KARS1: variants seen among roughly 807,000 people sequenced by gnomAD.
KARS1 encodes lysine--tRNA ligase.
Under a neutral mutation model 63.9 loss-of-function variants are expected in KARS1, and 50 were observed. The ratio of observed to expected loss-of-function variants is 0.78; its 90% CI spans 0.62 to 0.99. KARS1 has a LOEUF of 0.99. Among genes scored for constraint, KARS1 ranks in the 50% least tolerant of loss-of-function variants. The pLI, the probability that KARS1 is intolerant of heterozygous loss-of-function variation, is 0.00. For missense variants in KARS1, 816 were observed against 754.5 expected (o/e 1.08, Z -0.95); for synonymous variants, 320 against 264.6 (o/e 1.21, Z -2.03).
At chr16:75,647,550 G>A in intron 1 of KARS1, 28 bp downstream of exon 1, 2 of 1,607,820 alleles carry the variant, frequency 1.2e-6, no homozygotes, top group South Asian at 1.1e-5. Flanking sequence ...CTACCGCAAA[G>A]GCTTTAAAGA....
In KARS1 at chr16:75,640,311, C is replaced by A; in HGVS notation, c.261G>T (p.Leu87=). The A allele has an allele frequency of 1.9e-6, 3 of 1,609,642 alleles. No individual in the cohort carries two copies. The highest frequency in any genetic ancestry group is 2.5e-6 in the Non-Finnish European group (3 of 1,178,282). Reference sequence around the variant, plus strand: ...GGTATGGGTCTTCCCCATTGACCTTCAGCTGATGAATTGCTTGACTGCGGA... The same window carrying A: ...GGTATGGGTCTTCCCCATTGACCTTAAGCTGATGAATTGCTTGACTGCGGA... ...YKIRSQAIHQ[L]KVNGEDPYPH... is the part of the protein sequence containing the mutation. Residue 87 remains leucine (L), a synonymous_variant, in exon 3 of 14, where the codon CTG becomes CTT. Transcript: ENST00000302445.
At chr16:75,628,404 G>A (rs2082074608) in intron 13 of KARS1, among the ~76,000 whole-genome samples, 165 bp downstream of exon 13, 1 of 152,186 alleles carries the variant, frequency 6.6e-6, no homozygotes, top group Admixed American at 6.5e-5. Flanking sequence ...AATCCTTTAA[G>A]GTCAGAGGCT....
Position 75,632,610 on chromosome 16 carries a change from C to T in KARS1, c.916-755G>A, listed in dbSNP as rs139894240. On this transcript the variant is annotated intron_variant, in intron 7 of 13. Coordinates refer to ENST00000302445, the MANE Select transcript of KARS1 (RefSeq NM_005548.3). ...AGGTCCTAGCGGCAATGACTTGTGC[C>T]TAGTGCCAGGATTATGAGCTGTAGT... 3.2e-4 allele frequency among the ~76,000 whole-genome samples: 49 copies of T among 152,300 alleles called. No individual in the cohort carries two copies. In the East Asian group the frequency reaches 7.9e-3, roughly 25 times the overall value.
rs765014185 is a variant in KARS1, at chr16:75,628,587, C to T, written c.1677G>A (p.Thr559=). ...TACGTACCTTGATGTTGTTGGAGTC[C>T]GTGAGAAACATGGCGACTCGATCAA... The part of the protein sequence containing the change: ...MGIDRVAMFL[T]DSNNIKEVLL... The change falls in exon 13 of 14, where the codon ACG becomes ACA. Residue 559 remains threonine (T), a synonymous_variant. Transcript: ENST00000302445. 4.3e-6 allele frequency: 7 copies of T among 1,613,822 alleles called. No homozygotes were observed. The South Asian group carries it at 4.4e-5, about 10-fold the overall frequency.
chr16:75,629,565 A>G, intron 11 of KARS1, 24 bp from the exon 12 acceptor site: 1 of 1,613,306 alleles, frequency 6.2e-7, no homozygotes, highest in African/African-American at 1.3e-5. Context: ...ACCAAAGAGG[A>G]GGCTGAATAT....
chr16:75,640,068 T>G (rs1042025020), intron 3 of KARS1, 116 bp downstream of exon 3: 2 of 839,584 alleles, frequency 2.4e-6, no homozygotes, highest in African/African-American at 1.7e-5. Flanking sequence ...CTTAGTAAAG[T>G]AGCTTCAGAC....
At chr16:75,634,119 G>T in intron 7 of KARS1, 54 bp downstream of exon 7, 1 of 1,587,706 alleles carries the variant, frequency 6.3e-7, no homozygotes, top group South Asian at 1.1e-5. Flanking sequence ...TCTAGCCAGT[G>T]GTATTCCAGC....
chr16:75,632,260 C>A (rs2082122814), intron 7 of KARS1, among the ~76,000 whole-genome samples: 1 of 152,232 alleles, frequency 6.6e-6, no homozygotes, highest in African/African-American at 2.4e-5. Flanking sequence ...TTGGTTTTCA[C>A]AGGTTAGGTA....
At chr16:75,637,844 C>T (rs548147735) in intron 3 of KARS1, among the ~76,000 whole-genome samples, 3 of 144,570 alleles carry the variant, frequency 2.1e-5, no homozygotes, top group African/African-American at 2.6e-5. Context: ...TCTCAACAGC[C>T]AGGCTCCCTT....
chr16:75,643,803 A>G (rs1280843502), intron 1 of KARS1, among the ~76,000 whole-genome samples: 1 of 152,262 alleles, frequency 6.6e-6, no homozygotes, highest in Non-Finnish European at 1.5e-5. Flanking sequence ...TGCTGGTGTT[A>G]TCATGCTATA....
In KARS1 at chr16:75,635,949, T is replaced by C. The variant is rs2082156977; in HGVS notation, c.632A>G (p.His211Arg). 1.2e-6 allele frequency: 2 copies of C among 1,614,056 alleles called. No individual in the cohort carries two copies. The highest frequency in any genetic ancestry group is 1.7e-6 in the Non-Finnish European group (2 of 1,180,034). The change falls in exon 5 of 14, where the codon CAT becomes CGT. Residue 211 changes from histidine to arginine, a missense_variant. His to Arg is a conservative substitution (Grantham distance 29). Coordinates refer to ENST00000302445, the MANE Select transcript of KARS1 (RefSeq NM_005548.3). ...GCCAAAGTGAAGATGAGGTAACATA[T>C]GCAAACAGGGAGACAGCAGTGTGAT... ...YEITLLSPCLHMLPHLHFGLK... is the reference protein window; with the variant it reads ...YEITLLSPCLRMLPHLHFGLK...
intron 7 of KARS1, 129 bp downstream of exon 7, chr16:75,634,044 G>C: frequency 1.1e-6 from 1 of 951,944 alleles, no homozygotes; most frequent in Non-Finnish European, 1.7e-6. Flanking sequence ...CCACACACCT[G>C]ACCCATCAGA....
chr16:75,635,138 T>A (rs1378517026), intron 6 of KARS1, among the ~76,000 whole-genome samples: 1 of 152,166 alleles, frequency 6.6e-6, no homozygotes. Flanking sequence ...ACAATACACA[T>A]AGTGTGACTT....
Position 75,629,492 on chromosome 16 carries a change from T to C in KARS1, c.1474A>G (p.Lys492Glu). ...GTATACGCATTGCATATCTCTTTCTTCATGACAAACAGCTCAAAGCGCTCA... is the reference window on the plus strand; with the variant it reads ...GTATACGCATTGCATATCTCTTTCTCCATGACAAACAGCTCAAAGCGCTCA... Reference protein sequence around the residue: ...LTERFELFVMKKEICNAYTEL... With the variant: ...LTERFELFVMEKEICNAYTEL... Residue 492 changes from lysine (K) to glutamate (E), a missense_variant, in exon 12 of 14, where the codon AAG becomes GAG. Coordinates refer to ENST00000302445, the MANE Select transcript of KARS1 (RefSeq NM_005548.3). 1 of 1,614,188 alleles carries C rather than the reference T, an allele frequency of 6.2e-7. No individual in the cohort carries two copies. The highest frequency in any genetic ancestry group is 8.5e-7 in the Non-Finnish European group (1 of 1,180,028).
chr16:75,631,588 C>G lies in KARS1; in HGVS notation c.1080G>C (p.Gly360=), dbSNP rs113001454. Reference sequence around the variant, plus strand: ...AACTGCCTGTAATATGCTTCACCATCCCTGGGAGAGAAACCTGTTATTTAG... The same window carrying G: ...AACTGCCTGTAATATGCTTCACCATGCCTGGGAGAGAAACCTGTTATTTAG... ...LMEITEKMVS[G]MVKHITGSYK... The change falls in exon 9 of 14, where the codon GGG becomes GGC. Residue 360 remains glycine, a splice_region_variant and synonymous_variant. Coordinates refer to ENST00000302445, the MANE Select transcript of KARS1 (RefSeq NM_005548.3). 1.1e-5 allele frequency: 17 copies of G among 1,614,182 alleles called. No individual in the cohort carries two copies. In the African/African-American group the frequency reaches 2.1e-4, roughly 20 times the overall value.
chr16:75,647,629 A>G lies in KARS1; in HGVS notation c.11T>C (p.Val4Ala). 2.5e-6 allele frequency: 4 copies of G among 1,613,728 alleles called. No individual in the cohort carries two copies. The highest frequency in any genetic ancestry group is 3.4e-6 in the Non-Finnish European group (4 of 1,179,806). Residue 4 changes from valine to alanine, a missense_variant, in exon 1 of 14, where the codon GTG becomes GCG. Val to Ala is a moderately conservative substitution (Grantham distance 64). Transcript: ENST00000302445. MAA[V>A]QAAEVKVDGS... The stretch of plus-strand genomic sequence containing the variant: ...ATCCACTTTCACCTCGGCCGCCTGC[A>G]CGGCCGCCATCTTCCCGGAGGGCCC...
chr16:75,642,922 C>T (rs905786202), intron 1 of KARS1: 1 of 152,172 alleles, frequency 6.6e-6, no homozygotes, highest in African/African-American at 2.4e-5. Context: ...ATTACCCTGA[C>T]CCTGGCATTC....
chr16:75,634,711 G>T (rs764677752), intron 6 of KARS1, among the ~76,000 whole-genome samples: 3 of 152,148 alleles, frequency 2.0e-5, no homozygotes, highest in African/African-American at 7.2e-5. Context: ...AAGTAGCTGG[G>T]ACTACAGGTG....
intron 1 of KARS1, among the ~76,000 whole-genome samples, chr16:75,643,172 G>A (rs1219497213): frequency 6.6e-6 from 1 of 152,176 alleles, no homozygotes; most frequent in Non-Finnish European, 1.5e-5. Context: ...ACAGATTGGT[G>A]TAGGGAGGGA....
Sources: gnomAD v4.1 joint callset for allele counts (sites outside exome capture counted in the v4.1 genomes callset) on GRCh38, gnomAD v4.1.1 for gene constraint, MANE v1.5 for transcripts, NCBI Gene and HGNC (gene_info 2026-07-23, HGNC 2026-07-21) for gene names.